The following METAP1D variants were observed in gnomAD, a reference collection of about 807,000 sequenced individuals.
METAP1D encodes methionine aminopeptidase 1D, mitochondrial.
Under a neutral mutation model 40.5 loss-of-function variants are expected in METAP1D, and 31 were observed. The ratio of observed to expected loss-of-function variants is 0.77; its 90% CI spans 0.58 to 1.03. The LOEUF (loss-of-function observed/expected upper bound fraction) is 1.03. Among genes scored for constraint, METAP1D ranks in the 50% least tolerant of loss-of-function variants. The pLI, the probability that METAP1D is intolerant of heterozygous loss-of-function variation, is 0.00. For missense variants in METAP1D, 411 were observed against 420.7 expected, an observed-to-expected ratio of 0.98 and a Z score of 0.20; for synonymous variants, 151 against 146.4, an observed-to-expected ratio of 1.03 and a Z score of -0.22.
intron 1 of METAP1D, among the ~76,000 whole-genome samples, chr2:172,041,103 A>G (rs1689511340): frequency 6.6e-6 from 1 of 152,068 alleles, no homozygotes; most frequent in African/African-American, 2.4e-5. Flanking sequence ...CACAGTATAC[A>G]AGAACTGAAG....
intron 1 of METAP1D, among the ~76,000 whole-genome samples, chr2:172,053,938 C>T (rs1689942994): frequency 6.6e-6 from 1 of 152,170 alleles, no homozygotes; most frequent in Non-Finnish European, 1.5e-5. Context: ...TTCAGTTTTA[C>T]AACTGCTTAA....
intron 1 of METAP1D, among the ~76,000 whole-genome samples, chr2:172,026,975 C>T (rs982977550): frequency 6.6e-6 from 1 of 152,148 alleles, no homozygotes; most frequent in Non-Finnish European, 1.5e-5. Context: ...TAAGTCAATT[C>T]CCCATACCCC....
At chr2:172,051,642 T>C (rs1689886012) in intron 1 of METAP1D, among the ~76,000 whole-genome samples, 1 of 152,124 alleles carries the variant, frequency 6.6e-6, no homozygotes, top group African/African-American at 2.4e-5. Flanking sequence ...AATGTTGTTA[T>C]TATTGGAAGA....
At chr2:172,042,218 C>T (rs1362668097) in intron 1 of METAP1D, among the ~76,000 whole-genome samples, 1 of 21,762 alleles carries the variant, frequency 4.6e-5, no homozygotes, top group South Asian at 3.4e-3. Flanking sequence ...TGTATGTGTA[C>T]ATGTGTACAC....
At chr2:172,041,102 C>A (rs1291643110) in intron 1 of METAP1D, among the ~76,000 whole-genome samples, 2 of 152,008 alleles carry the variant, frequency 1.3e-5, no homozygotes, top group African/African-American at 4.8e-5. Flanking sequence ...CCACAGTATA[C>A]AAGAACTGAA....
At position 172,039,479 on chromosome 2, in the gene METAP1D, A is replaced by G. The variant is rs142336514; in HGVS notation, c.41-22019A>G. ...TGTACAGTTTCCAACATCAAGAAGC[A>G]CTAGTCCCTGGGGCTGTTCATAACG... On this transcript the variant is annotated intron_variant, in intron 1 of 9. Coordinates refer to ENST00000315796, the MANE Select transcript of METAP1D (RefSeq NM_199227.3). Among the ~76,000 whole-genome samples, 443 of 152,278 alleles carry G rather than the reference A, an allele frequency of 2.9e-3. 2 individuals carry two copies. The highest frequency in any genetic ancestry group is 9.4e-3 in the African/African-American group (389 of 41,550).
chr2:172,077,846 C>A lies in METAP1D; in HGVS notation c.754C>A (p.His252Asn). ...TCAAGTCTGTCCACATTTTGTGGGA[C>A]ATGGAATAGGATCTTACTTTCATGG... ...GFQVCPHFVGHGIGSYFHGHP... is the reference protein window; with the variant it reads ...GFQVCPHFVGNGIGSYFHGHP... Residue 252 changes from histidine to asparagine, a missense_variant, in exon 7 of 10, where the codon CAT becomes AAT. Transcript: ENST00000315796. 6.2e-7 allele frequency: 1 copy of A among 1,612,150 alleles called. No individual in the cohort carries two copies. Among genetic ancestry groups the A allele is most frequent in the Non-Finnish European group, 8.5e-7 (1 of 1,178,782 alleles).
chr2:172,071,347 A>G (rs1690417867), intron 6 of METAP1D, among the ~76,000 whole-genome samples: 1 of 152,210 alleles, frequency 6.6e-6, no homozygotes, highest in African/African-American at 2.4e-5. Context: ...ACTGGTCTAT[A>G]GTTTCCCTTT....
At chr2:172,010,748 GTT>G (rs375241055) in intron 1 of METAP1D, among the ~76,000 whole-genome samples, 5 of 120,238 alleles carry the variant, frequency 4.2e-5, no homozygotes, top group Non-Finnish European at 3.5e-5. Flanking sequence ...CCTGCCCAAT[GTT>G]TTTTTTTTTT....
chr2:172,063,640 T>G, intron 2 of METAP1D, 71 bp from the exon 3 acceptor site: 1 of 1,163,712 alleles, frequency 8.6e-7, no homozygotes, highest in Non-Finnish European at 1.3e-6. Flanking sequence ...AGCAGGAGGC[T>G]GTGTCTGAAA....
chr2:172,045,735 A>ATGTG (rs1470856336), intron 1 of METAP1D, among the ~76,000 whole-genome samples: 21,686 of 72,474 alleles, frequency 0.3, 3,717 homozygotes, highest in Non-Finnish European at 0.44. Flanking sequence ...GTGTGTGTAT[A>ATGTG]TATATGTGTA....
At chr2:172,012,369 A>G (rs1688750105) in intron 1 of METAP1D, among the ~76,000 whole-genome samples, 1 of 152,230 alleles carries the variant, frequency 6.6e-6, no homozygotes, top group Non-Finnish European at 1.5e-5. Flanking sequence ...TGAGGGACAC[A>G]GCAGGAGAAG....
At chr2:172,015,481 T>A (rs1688834285) in intron 1 of METAP1D, among the ~76,000 whole-genome samples, 1 of 152,158 alleles carries the variant, frequency 6.6e-6, no homozygotes, top group South Asian at 2.1e-4. Flanking sequence ...ACAGTGTCGC[T>A]TATATTAATA....
At chr2:172,019,593 G>A (rs186526153) in intron 1 of METAP1D, among the ~76,000 whole-genome samples, 119 of 151,830 alleles carry the variant, frequency 7.8e-4, no homozygotes, top group Middle Eastern at 3.4e-3. Flanking sequence ...ATATTTCCAA[G>A]GAGGAAAGGG....
rs542944751 is a variant in METAP1D at position 172,072,334 on chromosome 2, CAA to C, written c.704+1267_704+1268del. 3 of 167,258 alleles carry C rather than the reference CAA, an allele frequency of 1.8e-5. No homozygotes were observed. The South Asian group carries it at 6.2e-4, about 35-fold the overall frequency. The allele number at this position is 167,258 out of a possible 1,614,324, so 10.4% of individuals were successfully genotyped here. ...TACTGGTGGTGCTCTTGCATTTTAACAAAATTTATTCTTCAGTAGAAGGGGGC... is the reference window on the plus strand; with the variant it reads ...TACTGGTGGTGCTCTTGCATTTTAACAATTTATTCTTCAGTAGAAGGGGGC... On this transcript the variant is annotated intron_variant, in intron 6 of 9. Transcript: ENST00000315796.
Position 172,080,138 on chromosome 2 carries a change from C to T in METAP1D, c.861C>T (p.Ile287=). ...EGMAFTIEPI[I]TEGSPEFKVL... The stretch of plus-strand genomic sequence containing the variant: ...TTTTTCCTCTTACAGAGCCAATCAT[C>T]ACGGAGGGATCCCCTGAATTTAAAG... Residue 287 remains isoleucine, a synonymous_variant, in exon 9 of 10, where the codon ATC becomes ATT. Coordinates refer to ENST00000315796, the MANE Select transcript of METAP1D (RefSeq NM_199227.3). 6.2e-7 allele frequency: 1 copy of T among 1,614,032 alleles called. No homozygotes were observed. Among genetic ancestry groups the T allele is most frequent in the South Asian group, 1.1e-5 (1 of 91,082 alleles).
In METAP1D at chr2:172,042,515, A is replaced by G. The variant is rs374769981; in HGVS notation, c.41-18983A>G. Among the ~76,000 whole-genome samples the G allele has an allele frequency of 2.9e-3, 106 of 36,948 alleles. 47 individuals carry two copies. Among genetic ancestry groups the G allele is most frequent in the African/African-American group, 0.012 (95 of 7,616 alleles). 24.2% of individuals were successfully genotyped at this position (36,948 alleles called of 152,430 possible). A position where few individuals can be genotyped will look rare whatever the true frequency, so the allele number is the denominator to read the frequency against. On this transcript the variant is annotated intron_variant, in intron 1 of 9. Coordinates refer to ENST00000315796, the MANE Select transcript of METAP1D (RefSeq NM_199227.3). ...TACATATATACATATATACATATGT[A>G]TGTGTACATGTGTACATATATACAT...
intron 1 of METAP1D, among the ~76,000 whole-genome samples, chr2:172,017,383 ATGTATATATG>A (rs1044897979): frequency 2.7e-5 from 4 of 150,106 alleles, no homozygotes; most frequent in Admixed American, 1.3e-4. Flanking sequence ...GTGTATATAT[ATGTATATATG>A]TGTATATATG....
At chr2:172,067,712 G>A (rs1431704276) in intron 5 of METAP1D, among the ~76,000 whole-genome samples, 1 of 152,122 alleles carries the variant, frequency 6.6e-6, no homozygotes. Context: ...TGTGTCCAAA[G>A]AAAATACTCT....
Sources: allele counts gnomAD v4.1 joint callset (sites outside exome capture counted in the v4.1 genomes callset), GRCh38; gene constraint gnomAD v4.1.1; transcripts MANE v1.5; gene names NCBI Gene and HGNC (gene_info 2026-07-23, HGNC 2026-07-21).